The following WNK4 variants were observed in gnomAD, a reference collection of about 807,000 sequenced individuals.
WNK4 encodes WNK lysine deficient protein kinase 4.
WNK4 carries 94 observed loss-of-function variants against 116.2 expected under a neutral mutation model. That is an observed-to-expected ratio of 0.81 (90% CI 0.68 to 0.96). WNK4 has a LOEUF of 0.96. Ranked by LOEUF, WNK4 falls within the 40% of genes least tolerant of loss-of-function variation. The pLI, the probability that WNK4 is intolerant of heterozygous loss-of-function variation, is 0.00. For synonymous variants in WNK4, 655 were observed against 672.7 expected (o/e 0.97, Z 0.41); for missense variants, 1,542 against 1,650.6 (o/e 0.93, Z 1.14).
Position 42,785,120 on chromosome 17 carries a change from C to T in WNK4, c.1194C>T (p.His398=), listed in dbSNP as rs1419550873. 6.2e-7 allele frequency: 1 copy of T among 1,613,762 alleles called. No individual in the cohort carries two copies. Among genetic ancestry groups the T allele is most frequent in the East Asian group, 2.2e-5 (1 of 44,872 alleles). Residue 398 remains histidine, a synonymous_variant, in exon 5 of 19, where the codon CAC becomes CAT. Coordinates refer to ENST00000246914, the MANE Select transcript of WNK4 (RefSeq NM_032387.5). The part of the protein sequence containing the change: ...VTSGRKPNSF[H]KVKIPEVKEI... ...AGGGCAGAAAGCCGAACAGCTTCCACAAGGTGAAGATACCCGAGGTGAAGG... is the reference window on the plus strand; with the variant it reads ...AGGGCAGAAAGCCGAACAGCTTCCATAAGGTGAAGATACCCGAGGTGAAGG...
intron 8 of WNK4, 31 bp from the exon 9 acceptor site, chr17:42,788,099 C>T (rs780937588): frequency 1.7e-5 from 28 of 1,613,460 alleles, no homozygotes; most frequent in Non-Finnish European, 2.4e-5. Flanking sequence ...GTTATCTTCC[C>T]CTGACCTCAT....
In WNK4 at chr17:42,787,267, C is replaced by T; in HGVS notation, c.1477-11C>T. 6.2e-7 allele frequency: 1 copy of T among 1,613,638 alleles called. No individual in the cohort carries two copies. The highest frequency in any genetic ancestry group is 8.5e-7 in the Non-Finnish European group (1 of 1,180,012). ...CCAAGCTGTGTTCCTCATCCCCCACCCCAATTCCAGGTGGCTCTGGGCTTG... is the reference window on the plus strand; with the variant it reads ...CCAAGCTGTGTTCCTCATCCCCCACTCCAATTCCAGGTGGCTCTGGGCTTG... On this transcript the variant is annotated splice_polypyrimidine_tract_variant and intron_variant, in intron 6 of 18. Transcript: ENST00000246914.
At chr17:42,794,487 A>C in intron 12 of WNK4, 127 bp from the exon 13 acceptor site, 1 of 973,172 alleles carries the variant, frequency 1.0e-6, no homozygotes, top group East Asian at 2.6e-5. Flanking sequence ...TATGCTTCTG[A>C]ATCCCTTGAA....
At chr17:42,787,195 C>T in intron 6 of WNK4, 83 bp from the exon 7 acceptor site, 1 of 1,588,664 alleles carries the variant, frequency 6.3e-7, no homozygotes, top group Non-Finnish European at 8.5e-7. Flanking sequence ...CCTCCCATAT[C>T]CTGGAGTTCC....
At position 42,784,476 on chromosome 17, in the gene WNK4, T is replaced by C. The variant is rs1287421925; in HGVS notation, c.1067T>C (p.Val356Ala). Residue 356 changes from valine to alanine, a missense_variant, in exon 4 of 19, where the codon GTG (valine) becomes GCG (alanine). This residue lies in a region of WNK4 where 808 missense variants were observed against 873.6 expected (regional missense o/e 0.92). Coordinates refer to ENST00000246914, the MANE Select transcript of WNK4 (RefSeq NM_032387.5). This position sits in a 1 kb window ranked among gnomAD's most constrained non-coding sequence, Gnocchi z 4.4. Reference protein sequence around the residue: ...EMYEEKYDEAVDVYAFGMCML... With the variant: ...EMYEEKYDEAADVYAFGMCML... ...TACGAGGAAAAGTACGATGAGGCCGTGGACGTGTACGCGTTCGGCATGTGC... is the reference window on the plus strand; with the variant it reads ...TACGAGGAAAAGTACGATGAGGCCGCGGACGTGTACGCGTTCGGCATGTGC... 2.5e-6 allele frequency: 4 copies of C among 1,613,580 alleles called. No homozygotes were observed. Among genetic ancestry groups the C allele is most frequent in the East Asian group, 2.2e-5 (1 of 44,872 alleles).
chr17:42,787,612 A>G, intron 7 of WNK4, 70 bp downstream of exon 7: 1 of 1,601,362 alleles, frequency 6.2e-7, no homozygotes, highest in Non-Finnish European at 8.5e-7. Context: ...CCAGAAGTTC[A>G]CCCCCACAGC....
chr17:42,795,567 A>G, intron 15 of WNK4, 46 bp downstream of exon 15: 1 of 1,613,648 alleles, frequency 6.2e-7, no homozygotes. Context: ...ATCCCTACTC[A>G]CTGTCTGTCC....
rs2054684363 is a variant in WNK4 at position 42,796,969 on chromosome 17, C to G, written c.*281C>G. ...AACCACTAAGCAATCCCACCCAAGC[C>G]TGGATGCTTCTAGAGGGGCCCACTC... On this transcript the variant is annotated 3_prime_UTR_variant, in exon 19 of 19. Transcript: ENST00000246914. 1 of 584,436 alleles carries G rather than the reference C, an allele frequency of 1.7e-6. No individual in the cohort carries two copies. The highest frequency in any genetic ancestry group is 1.9e-5 in the African/African-American group (1 of 53,406). The allele number at this position is 584,436 out of a possible 1,614,324, so 36.2% of individuals were successfully genotyped here. A position where few individuals can be genotyped will look rare whatever the true frequency, so the allele number is the denominator to read the frequency against.
Position 42,787,276 on chromosome 17 carries a change from A to G in WNK4, c.1477-2A>G, listed in dbSNP as rs541356708. 27 of 1,613,772 alleles carry G rather than the reference A, an allele frequency of 1.7e-5. No homozygotes were observed. The South Asian group carries it at 2.6e-4, about 16-fold the overall frequency. On this transcript the variant is annotated splice_acceptor_variant, in intron 6 of 18. Coordinates refer to ENST00000246914, the MANE Select transcript of WNK4 (RefSeq NM_032387.5). LOFTEE classifies it high-confidence loss of function. Reference sequence around the variant, plus strand: ...GTTCCTCATCCCCCACCCCAATTCCAGGTGGCTCTGGGCTTGGTCTGTGAA... The same window carrying G: ...GTTCCTCATCCCCCACCCCAATTCCGGGTGGCTCTGGGCTTGGTCTGTGAA...
rs61754346 is a variant in WNK4, at chr17:42,782,751, C to T, written c.619-7C>T. The T allele has an allele frequency of 5.0e-6, 8 of 1,613,908 alleles. No homozygotes were observed. The African/African-American group carries it at 9.3e-5, about 19-fold the overall frequency. ...GCCTGACATGACACCCGTCCCCCAT[C>T]CCACAGACTCGGAAACTGTCTAGAG... On this transcript the variant is annotated splice_region_variant and splice_polypyrimidine_tract_variant and intron_variant, in intron 1 of 18. Coordinates refer to ENST00000246914, the MANE Select transcript of WNK4 (RefSeq NM_032387.5). The surrounding 1 kb of genome is among the most constrained non-coding windows in gnomAD (Gnocchi z 4.2).
chr17:42,787,927 C>CA (rs146980074), intron 8 of WNK4, 28 bp downstream of exon 8: 25,211 of 1,608,106 alleles, frequency 0.016, 282 homozygotes, highest in East Asian at 0.06. Flanking sequence ...GGGGGGCTCC[C>CA]AGCCATTCCA....
At chr17:42,783,643 G>C (rs924713241) in intron 2 of WNK4, 7 of 511,396 alleles carry the variant, frequency 1.4e-5, no homozygotes, top group South Asian at 6.8e-5. Context: ...TTTCCTCTCC[G>C]AAGCTCTCCC....
At position 42,794,694 on chromosome 17, in the gene WNK4, C is replaced by T. The variant is rs750227333; in HGVS notation, c.2350+26C>T. ...GTATGTACTGAGTTGTGTCCTTGCT[C>T]ATCCCAACCCCTGGGGTTGCTCCTG... On this transcript the variant is annotated intron_variant, in intron 13 of 18. Transcript: ENST00000246914. 4 of 1,613,886 alleles carry T rather than the reference C, an allele frequency of 2.5e-6. No homozygotes were observed. In the Admixed American group the frequency reaches 6.7e-5, roughly 27 times the overall value.
At chr17:42,788,079 G>A in intron 8 of WNK4, 51 bp from the exon 9 acceptor site, 1 of 1,607,780 alleles carries the variant, frequency 6.2e-7, no homozygotes, top group South Asian at 1.1e-5. Flanking sequence ...CATCTCCCTA[G>A]ATCTCAACAG....
chr17:42,793,856 CTT>C (rs34930579), intron 12 of WNK4, 127 bp downstream of exon 12: 6,618 of 922,646 alleles, frequency 7.2e-3, no homozygotes, highest in East Asian at 0.012. Flanking sequence ...AACAGTGGCG[CTT>C]TTTTTTTTTT....
At position 42,795,699 on chromosome 17, in the gene WNK4, C is replaced by T. The variant is rs2054661329; in HGVS notation, c.3097C>T (p.Pro1033Ser). 1.9e-6 allele frequency: 3 copies of T among 1,613,300 alleles called. No individual in the cohort carries two copies. In the East Asian group the frequency reaches 6.7e-5, roughly 36 times the overall value. The change falls in exon 16 of 19, where the codon CCA (proline) becomes TCA (serine). Residue 1033 changes from proline to serine, a missense_variant. Coordinates refer to ENST00000246914, the MANE Select transcript of WNK4 (RefSeq NM_032387.5). ...ACCGGCTGAGCCTCTTCCCTTGCAGCCAACATCCCCCACTCTCTCTGGTTC... is the reference window on the plus strand; with the variant it reads ...ACCGGCTGAGCCTCTTCCCTTGCAGTCAACATCCCCCACTCTCTCTGGTTC... Reference protein sequence around the residue: ...KEPAEPLPLQPTSPTLSGSPK... With the variant: ...KEPAEPLPLQSTSPTLSGSPK...
rs1254246013 is a variant in WNK4, at chr17:42,795,832, C to T, written c.3230C>T (p.Ala1077Val). ...REALAESDRA[A>V]EGLGAGVEEE... ...GCTCTGGCTGAGAGCGACCGTGCAG[C>T]TGAGGGTCTGGGGGCTGGAGTTGAG... Residue 1077 changes from alanine (A) to valine (V), a missense_variant, in exon 16 of 19, where the codon GCT (alanine) becomes GTT (valine). Transcript: ENST00000246914. 6.2e-7 allele frequency: 1 copy of T among 1,613,842 alleles called. No individual in the cohort carries two copies. The highest frequency in any genetic ancestry group is 8.5e-7 in the Non-Finnish European group (1 of 1,180,014).
At chr17:42,791,361 G>A (rs182290723) in intron 11 of WNK4, among the ~76,000 whole-genome samples, 4 of 152,310 alleles carry the variant, frequency 2.6e-5, no homozygotes, top group East Asian at 3.9e-4. Flanking sequence ...AGGCTGTGCC[G>A]GGCATGGTGG....
chr17:42,785,847 T>C (rs1482167460), intron 6 of WNK4, among the ~76,000 whole-genome samples: 3 of 152,158 alleles, frequency 2.0e-5, no homozygotes, highest in Non-Finnish European at 4.4e-5. Context: ...GCCGTCCCCT[T>C]TGGAGTCAAA....
Sources: allele counts gnomAD v4.1 joint callset (sites outside exome capture counted in the v4.1 genomes callset), GRCh38; gene constraint gnomAD v4.1.1; regional missense constraint gnomAD v4.1.1; non-coding constraint Gnocchi (gnomAD v3.1); transcripts MANE v1.5; gene names NCBI Gene and HGNC (gene_info 2026-07-23, HGNC 2026-07-21).